Variants in C8orf34 observed in about 807,000 individuals in gnomAD.
C8orf34 encodes chromosome 8 open reading frame 34, also known as uncharacterized protein C8orf34.
In C8orf34, 65 loss-of-function variants were observed where a neutral mutation model predicts 68.3. The observed-to-expected ratio is 0.95, with a 90% confidence interval of 0.78 to 1.17. C8orf34 has a LOEUF of 1.17. Among genes scored for constraint, C8orf34 ranks in the 50% most tolerant of loss-of-function variants. The pLI is 0.00. For missense variants in C8orf34, 664 were observed against 655.4 expected, an observed-to-expected ratio of 1.01 and a Z score of -0.14; for synonymous variants, 244 against 241.2, an observed-to-expected ratio of 1.01 and a Z score of -0.11.
chr8:68,404,558 G>A (rs1273004037), intron 1 of C8orf34, among the ~76,000 whole-genome samples: 1 of 152,166 alleles, frequency 6.6e-6, no homozygotes, highest in Non-Finnish European at 1.5e-5. Context: ...TGTATACGGT[G>A]TAAGGAAGGG....
Position 68,818,299 on chromosome 8 carries a change from C to A in C8orf34, c.*53C>A. ...CTTAAAGAAATGCAGTTATTCAAAT[C>A]CTTATGTATAGTTCTAATTTTATTT... On this transcript the variant is annotated 3_prime_UTR_variant, in exon 14 of 14. Transcript: ENST00000518698. The A allele has an allele frequency of 6.4e-7, 1 of 1,568,138 alleles. No individual in the cohort carries two copies. The highest frequency in any genetic ancestry group is 1.1e-5 in the South Asian group (1 of 89,168).
At chr8:68,566,161 T>A (rs984241927) in intron 7 of C8orf34, among the ~76,000 whole-genome samples, 1 of 152,216 alleles carries the variant, frequency 6.6e-6, no homozygotes, top group African/African-American at 2.4e-5. Flanking sequence ...AAACACTTTT[T>A]AAAAACTTCT....
chr8:68,802,345 C>T lies in C8orf34; in HGVS notation c.1550-13541C>T, dbSNP rs111695173. On this transcript the variant is annotated intron_variant, in intron 12 of 13. Coordinates refer to ENST00000518698, the MANE Select transcript of C8orf34 (RefSeq NM_052958.4). The stretch of plus-strand genomic sequence containing the variant: ...GAACTCCCGACCTCAGGTGATCCAC[C>T]TGCCTCGACCTCCCAAAATGCTGGG... 9.8e-3 allele frequency among the ~76,000 whole-genome samples: 1,485 copies of T among 152,256 alleles called. 26 individuals are homozygous for T. Among genetic ancestry groups the T allele is most frequent in the African/African-American group, 0.033 (1,377 of 41,528 alleles).
At chr8:68,520,304 G>T (rs918068058) in intron 5 of C8orf34, among the ~76,000 whole-genome samples, 1 of 151,968 alleles carries the variant, frequency 6.6e-6, no homozygotes, top group African/African-American at 2.4e-5. Context: ...TTCATGTGTT[G>T]CTTTTGGTAT....
chr8:68,712,634 G>GA (rs1393169291), intron 9 of C8orf34, among the ~76,000 whole-genome samples: 4 of 152,094 alleles, frequency 2.6e-5, no homozygotes, highest in Admixed American at 2.6e-4. Flanking sequence ...AGTTCAATAG[G>GA]AAAATATCAC....
At chr8:68,635,726 T>C (rs1818819432) in intron 7 of C8orf34, among the ~76,000 whole-genome samples, 1 of 152,218 alleles carries the variant, frequency 6.6e-6, no homozygotes, top group Non-Finnish European at 1.5e-5. Flanking sequence ...TCACATCTCC[T>C]ACACAGCACT....
In C8orf34 at chr8:68,569,446, CCCACCTCCAGGCCT is replaced by C. The variant is rs1816698168; in HGVS notation, c.1105+36304_1105+36317del. Among the ~76,000 whole-genome samples the C allele has an allele frequency of 2.0e-5, 3 of 152,176 alleles. No homozygotes were observed. In the South Asian group the frequency reaches 6.2e-4, roughly 32 times the overall value. ...CCAAGGGAACACTTGTCGGCCCCTCCCCACCTCCAGGCCTCCACCTTCATTGATGCCCGGGACTC... is the reference window on the plus strand; with the variant it reads ...CCAAGGGAACACTTGTCGGCCCCTCCCCACCTTCATTGATGCCCGGGACTC... On this transcript the variant is annotated intron_variant, in intron 7 of 13. Transcript: ENST00000518698.
intron 1 of C8orf34, among the ~76,000 whole-genome samples, chr8:68,437,707 GCTTA>G (rs1810723236): frequency 6.6e-6 from 1 of 151,970 alleles, no homozygotes; most frequent in African/African-American, 2.4e-5. Context: ...CTGATTGTTT[GCTTA>G]CTTGTTTTTC....
intron 1 of C8orf34, among the ~76,000 whole-genome samples, chr8:68,342,361 T>C (rs942123428): frequency 1.3e-5 from 2 of 152,096 alleles, no homozygotes; most frequent in Non-Finnish European, 2.9e-5. Context: ...ATTAAAAACT[T>C]TTGCTCTGTG....
chr8:68,776,705 A>C (rs1823529672), intron 11 of C8orf34, among the ~76,000 whole-genome samples: 1 of 152,180 alleles, frequency 6.6e-6, no homozygotes. Context: ...ACTAATATAT[A>C]TTTTTATACA....
chr8:68,427,561 G>A (rs1026472433), intron 1 of C8orf34, among the ~76,000 whole-genome samples: 5 of 152,282 alleles, frequency 3.3e-5, no homozygotes, highest in South Asian at 2.1e-4. Flanking sequence ...ATGGGTGGAT[G>A]TGACTATAGA....
chr8:68,803,478 G>A (rs575607083), intron 12 of C8orf34, among the ~76,000 whole-genome samples: 12 of 151,842 alleles, frequency 7.9e-5, no homozygotes, highest in East Asian at 1.9e-4. Context: ...GCTTTGAAAC[G>A]TAAGAAAAAT....
chr8:68,360,665 G>A (rs1806945807), intron 1 of C8orf34, among the ~76,000 whole-genome samples: 1 of 151,836 alleles, frequency 6.6e-6, no homozygotes, highest in South Asian at 2.1e-4. Context: ...AGCCAGACCA[G>A]CTTGTCCAGT....
chr8:68,762,608 A>G (rs1315282353), intron 10 of C8orf34, among the ~76,000 whole-genome samples: 9 of 152,184 alleles, frequency 5.9e-5, no homozygotes, highest in African/African-American at 1.7e-4. Flanking sequence ...ACACATGCAA[A>G]AACATTGTAA....
chr8:68,678,766 C>A (rs1215628924), intron 8 of C8orf34, among the ~76,000 whole-genome samples: 3 of 140,304 alleles, frequency 2.1e-5, no homozygotes, highest in East Asian at 4.4e-4. Flanking sequence ...GAAAAAGACA[C>A]AAAGGGAATC....
chr8:68,767,087 G>A (rs530306514), intron 10 of C8orf34, among the ~76,000 whole-genome samples: 6 of 152,238 alleles, frequency 3.9e-5, no homozygotes, highest in Admixed American at 6.5e-5. Flanking sequence ...CCAGCTACTC[G>A]GGAGGCTAAG....
intron 7 of C8orf34, among the ~76,000 whole-genome samples, chr8:68,603,720 C>A (rs892633097): frequency 9.2e-5 from 14 of 151,896 alleles, no homozygotes; most frequent in African/African-American, 3.1e-4. Context: ...ACGAAAAAAA[C>A]CACAGTGGGG....
At chr8:68,803,281 A>G (rs539130997) in intron 12 of C8orf34, among the ~76,000 whole-genome samples, 1 of 143,846 alleles carries the variant, frequency 7.0e-6, no homozygotes, top group African/African-American at 2.6e-5. Flanking sequence ...ACCAATTCCT[A>G]TCATGTATAA....
chr8:68,395,374 CACACACACACACACACACACACAA>C lies in C8orf34; in HGVS notation c.328-44113_328-44090del. Among the ~76,000 whole-genome samples the C allele has an allele frequency of 2.5e-5, 3 of 121,488 alleles. 1 individual carries two copies. Among genetic ancestry groups the C allele is most frequent in the Admixed American group, 2.4e-4 (3 of 12,484 alleles). 79.7% of individuals were successfully genotyped at this position (121,488 alleles called of 152,430 possible). A position where few individuals can be genotyped will look rare whatever the true frequency, so the allele number is the denominator to read the frequency against. The stretch of plus-strand genomic sequence containing the variant: ...TCTGTGTGTCTCTCACACACACACA[CACACACACACACACACACACACAA>C]ACACACACACATTCTGGCTGTCATT... On this transcript the variant is annotated intron_variant, in intron 1 of 13. Coordinates refer to ENST00000518698, the MANE Select transcript of C8orf34 (RefSeq NM_052958.4).
Sources: gnomAD v4.1 joint callset for allele counts (sites outside exome capture counted in the v4.1 genomes callset) on GRCh38, gnomAD v4.1.1 for gene constraint, MANE v1.5 for transcripts, NCBI Gene and HGNC (gene_info 2026-07-23, HGNC 2026-07-21) for gene names.